Variants in OTULIN observed in about 807,000 individuals in gnomAD.
OTULIN encodes OTU deubiquitinase with linear linkage specificity.
OTULIN carries 15 observed loss-of-function variants against 39.6 expected under a neutral mutation model. The observed-to-expected ratio is 0.38, with a 90% CI of 0.25 to 0.58. OTULIN has a LOEUF of 0.58. OTULIN is among the 20% of genes least tolerant of loss of function. The pLI, the probability that OTULIN is intolerant of heterozygous loss-of-function variation, is 0.66. For missense variants in OTULIN, 319 were observed against 445.9 expected, an observed-to-expected ratio of 0.72 and a Z score of 2.56; for synonymous variants, 156 against 170.3, an observed-to-expected ratio of 0.92 and a Z score of 0.65.
In OTULIN at chr5:14,690,008, T is replaced by A. The variant is rs779139958; in HGVS notation, c.595-31T>A. 1.3e-6 allele frequency: 2 copies of A among 1,591,720 alleles called. No homozygotes were observed. Among genetic ancestry groups the A allele is most frequent in the East Asian group, 4.5e-5 (2 of 44,646 alleles). On this transcript the variant is annotated intron_variant, in intron 5 of 6. Coordinates refer to ENST00000284274, the MANE Select transcript of OTULIN (RefSeq NM_138348.6). This position sits in a 1 kb window ranked among gnomAD's most constrained non-coding sequence, Gnocchi z 4.5. ...ATACCAGGGATTTTTAGAACAAAAA[T>A]TCTAATTATTACATAACTTTCTTAT... is the stretch of plus-strand genomic sequence containing the variant.
At chr5:14,684,264 C>T (rs1258607903) in intron 4 of OTULIN, among the ~76,000 whole-genome samples, 2 of 152,218 alleles carry the variant, frequency 1.3e-5, no homozygotes, top group Non-Finnish European at 2.9e-5. Context: ...AGCTGAAGAA[C>T]GTCTTTGTTC....
Position 14,677,159 on chromosome 5 carries a change from G to A in OTULIN, c.230-1522G>A, listed in dbSNP as rs552447807. On this transcript the variant is annotated intron_variant, in intron 2 of 6. Transcript: ENST00000284274. ...TTTTTTTTTTAAATTTACCTAAACT[G>A]CAAGGAGGATTTAGGGCCTCTTTTG... Among the ~76,000 whole-genome samples the A allele has an allele frequency of 8.5e-5, 13 of 152,120 alleles. No homozygotes were observed. The South Asian group carries it at 2.7e-3, about 32-fold the overall frequency.
Position 14,694,436 on chromosome 5 carries a change from A to G in OTULIN, c.*1388A>G, listed in dbSNP as rs575962440. The G allele has an allele frequency of 2.0e-4, 31 of 152,338 alleles. No individual in the cohort carries two copies. Among genetic ancestry groups the G allele is most frequent in the African/African-American group, 7.5e-4 (31 of 41,576 alleles). 9.4% of individuals were successfully genotyped at this position (152,338 alleles called of 1,614,324 possible). On this transcript the variant is annotated 3_prime_UTR_variant, in exon 7 of 7. Transcript: ENST00000284274. ...TTAGGATTCTACTGGCAGCCCCTGA[A>G]TTGGCTCAACGTTTGTGGAGGTGGT...
At chr5:14,714,887 C>T in the OTULIN span, among the ~76,000 whole-genome samples, 1 of 152,360 alleles carries the variant, frequency 6.6e-6, no homozygotes, top group East Asian at 1.9e-4. Context: ...GGCCCCTCCT[C>T]TGGTCACTAC....
rs969140260 is a variant in OTULIN at position 14,697,498 on chromosome 5, G to A, written c.*4450G>A. The A allele has an allele frequency of 6.6e-6, 1 of 151,936 alleles. No individual in the cohort carries two copies. Among genetic ancestry groups the A allele is most frequent in the Non-Finnish European group, 1.5e-5 (1 of 67,992 alleles). 9.4% of individuals were successfully genotyped at this position (151,936 alleles called of 1,614,324 possible). A position where few individuals can be genotyped will look rare whatever the true frequency, so the allele number is the denominator to read the frequency against. Reference sequence around the variant, plus strand: ...GGCCCCATGTATTGTATTTTTTTCAGGTTATATTGAAATCTACTACCAGGA... The same window carrying A: ...GGCCCCATGTATTGTATTTTTTTCAAGTTATATTGAAATCTACTACCAGGA... On this transcript the variant is annotated 3_prime_UTR_variant, in exon 7 of 7. Transcript: ENST00000284274.
At chr5:14,700,519 TCCTCCCAGC>T (rs1736774306), downstream of OTULIN, among the ~76,000 whole-genome samples, 1 of 151,608 alleles carries the variant, frequency 6.6e-6, no homozygotes. Flanking sequence ...CAAGGCACAG[TCCTCCCAGC>T]CCTCTCCATC....
intron 4 of OTULIN, among the ~76,000 whole-genome samples, chr5:14,686,309 T>C (rs1207614570): frequency 6.6e-6 from 1 of 152,148 alleles, no homozygotes; most frequent in Non-Finnish European, 1.5e-5. Context: ...ATAAAGTTTT[T>C]AATTTTTTGG....
chr5:14,711,206 C>G, the OTULIN span: 4 of 1,614,010 alleles, frequency 2.5e-6, no homozygotes, highest in Non-Finnish European at 3.4e-6. Context: ...CTTATTCATT[C>G]TCCTCTCTCA....
chr5:14,680,885 C>G (rs546906239), intron 3 of OTULIN, among the ~76,000 whole-genome samples: 1 of 152,142 alleles, frequency 6.6e-6, no homozygotes, highest in Admixed American at 6.5e-5. Context: ...ATGATGAAAT[C>G]CTGTCACTAC....
chr5:14,702,300 G>A (rs1351131315), downstream of OTULIN, among the ~76,000 whole-genome samples: 1 of 152,118 alleles, frequency 6.6e-6, no homozygotes, highest in Non-Finnish European at 1.5e-5. Flanking sequence ...AGCCCTTCTC[G>A]GCCCCTGGGG....
At chr5:14,703,993 A>G (rs1335236290), downstream of OTULIN, among the ~76,000 whole-genome samples, 2 of 152,190 alleles carry the variant, frequency 1.3e-5, no homozygotes, top group African/African-American at 4.8e-5. Flanking sequence ...GCTAAAAAAA[A>G]TTAGAGCCAT....
rs1486491144 is a variant in OTULIN at position 14,682,968 on chromosome 5, G to C, written c.468+1361G>C. On this transcript the variant is annotated intron_variant, in intron 4 of 6. Coordinates refer to ENST00000284274, the MANE Select transcript of OTULIN (RefSeq NM_138348.6). ...TCCTAGAATAAAGAAGACTTTTAGA[G>C]GAACTTGTTGACTAAGCTAGAGGTC... Among the ~76,000 whole-genome samples, 3 of 152,160 alleles carry C rather than the reference G, an allele frequency of 2.0e-5. No homozygotes were observed. The East Asian group carries it at 5.8e-4, about 29-fold the overall frequency.
At chr5:14,710,087 G>C in the OTULIN span, 8 of 152,130 alleles carry the variant, frequency 5.3e-5, no homozygotes, top group Non-Finnish European at 2.9e-5. Context: ...TAGTGACTCT[G>C]GTATCGTTAT....
In OTULIN at chr5:14,687,605, G is replaced by C; in HGVS notation, c.553G>C (p.Val185Leu). The C allele has an allele frequency of 6.2e-7, 1 of 1,614,088 alleles. No individual in the cohort carries two copies. The highest frequency in any genetic ancestry group is 8.5e-7 in the Non-Finnish European group (1 of 1,179,992). Residue 185 changes from valine to leucine, a missense_variant, in exon 5 of 7, where the codon GTT becomes CTT. Transcript: ENST00000284274. ...LKFDGKNEDL[V>L]DKIKESLTLL... is the part of the protein sequence containing the mutation. ...ATTTGATGGGAAGAATGAGGACCTG[G>C]TTGATAAAATTAAAGAGTCCCTTAC...
intron 2 of OTULIN, among the ~76,000 whole-genome samples, chr5:14,676,744 A>G (rs183142314): frequency 6.6e-6 from 1 of 152,216 alleles, no homozygotes; most frequent in Admixed American, 6.5e-5. Flanking sequence ...CAGGCTCATA[A>G]CCCTACCTGG....
the OTULIN span, among the ~76,000 whole-genome samples, chr5:14,714,872 C>T: frequency 6.6e-6 from 1 of 152,230 alleles, no homozygotes; most frequent in Non-Finnish European, 1.5e-5. Flanking sequence ...AGCTGGGGCA[C>T]TCCAGGCCCC....
At chr5:14,672,281 C>A (rs942295822) in intron 1 of OTULIN, among the ~76,000 whole-genome samples, 1 of 152,002 alleles carries the variant, frequency 6.6e-6, no homozygotes, top group African/African-American at 2.4e-5. Flanking sequence ...TGGGTGAGGT[C>A]CTAATTTTGA....
intron 1 of OTULIN, among the ~76,000 whole-genome samples, chr5:14,672,574 C>T (rs1282498768): frequency 6.6e-6 from 1 of 151,996 alleles, no homozygotes; most frequent in African/African-American, 2.4e-5. Flanking sequence ...ATGGGGTATG[C>T]GCTCATGAGG....
At chr5:14,706,168 A>G in the OTULIN span, 1 of 152,212 alleles carries the variant, frequency 6.6e-6, no homozygotes, top group East Asian at 1.9e-4. Flanking sequence ...AAGTCTTGTT[A>G]GTAAAGTGCA....
Sources: allele counts gnomAD v4.1 joint callset (sites outside exome capture counted in the v4.1 genomes callset), GRCh38; gene constraint gnomAD v4.1.1; non-coding constraint Gnocchi (gnomAD v3.1); transcripts MANE v1.5; gene names NCBI Gene and HGNC (gene_info 2026-07-23, HGNC 2026-07-21).